GLCE: variants seen among roughly 807,000 people sequenced by gnomAD.
GLCE encodes the protein glucuronic acid epimerase.
A neutral mutation model predicts 47.9 loss-of-function variants in GLCE; 19 were observed. The ratio of observed to expected loss-of-function variants is 0.40; its 90% CI spans 0.28 to 0.58. The LOEUF (loss-of-function observed/expected upper bound fraction) is 0.58, where lower values mean the gene tolerates loss of function less well. GLCE is among the 20% of genes least tolerant of loss of function. GLCE has a pLI of 0.48. For synonymous variants in GLCE, 245 were observed against 263.4 expected (o/e 0.93, Z 0.68); for missense variants, 556 against 743.3 (o/e 0.75, Z 2.93).
At position 69,271,339 on chromosome 15, in the gene GLCE, A is replaced by C. The variant is rs919775219; in HGVS notation, c.*2095A>C. 2.6e-5 allele frequency: 4 copies of C among 152,670 alleles called. No homozygotes were observed. The highest frequency in any genetic ancestry group is 2.0e-4 in the Admixed American group (3 of 15,280). The allele number at this position is 152,670 out of a possible 1,614,324, so 9.5% of individuals were successfully genotyped here. On this transcript the variant is annotated 3_prime_UTR_variant, in exon 5 of 5. Coordinates refer to ENST00000261858, the MANE Select transcript of GLCE (RefSeq NM_015554.3). ...TACAGACCAGTGGTTCTCAAACTTT[A>C]AAATGCCTCAGCATCACTTGGGAGC...
At chr15:69,185,670 A>G (rs561210088) in intron 1 of GLCE, among the ~76,000 whole-genome samples, 3 of 151,980 alleles carry the variant, frequency 2.0e-5, no homozygotes, top group Non-Finnish European at 2.9e-5. Flanking sequence ...CACCACAAAA[A>G]TCATCATCAA....
In GLCE at chr15:69,179,832, C is replaced by T. The variant is rs145484886; in HGVS notation, c.-105+19075C>T. Among the ~76,000 whole-genome samples, 951 of 152,108 alleles carry T rather than the reference C, an allele frequency of 6.3e-3. 12 individuals carry two copies. Among genetic ancestry groups the T allele is most frequent in the African/African-American group, 0.022 (920 of 41,510 alleles). Reference sequence around the variant, plus strand: ...CGAAACCCTGTCTCTACTAAAAATACAAAAATTAGCTGGGCGTGGTGGTGC... The same window carrying T: ...CGAAACCCTGTCTCTACTAAAAATATAAAAATTAGCTGGGCGTGGTGGTGC... On this transcript the variant is annotated intron_variant, in intron 1 of 4. Coordinates refer to ENST00000261858, the MANE Select transcript of GLCE (RefSeq NM_015554.3).
chr15:69,200,153 G>GAAA, intron 1 of GLCE, among the ~76,000 whole-genome samples: 1 of 152,204 alleles, frequency 6.6e-6, no homozygotes, highest in South Asian at 2.1e-4. Context: ...CAGGCAAGGA[G>GAAA]AAAGTTTCGT....
At position 69,270,246 on chromosome 15, in the gene GLCE, AG is replaced by A. The variant is rs2140462751; in HGVS notation, c.*1003del. The A allele has an allele frequency of 1.3e-5, 2 of 152,166 alleles. No homozygotes were observed. Among genetic ancestry groups the A allele is most frequent in the South Asian group, 4.2e-4 (2 of 4,818 alleles). The allele number at this position is 152,166 out of a possible 1,614,324, so 9.4% of individuals were successfully genotyped here. ...TACTATATGCAAGAAATCATAGCAA[AG>A]TTTTTTTTTCCTACCAAGATCATTC... On this transcript the variant is annotated 3_prime_UTR_variant, in exon 5 of 5. Transcript: ENST00000261858.
At chr15:69,244,573 C>T (rs904667545) in intron 2 of GLCE, among the ~76,000 whole-genome samples, 7 of 152,060 alleles carry the variant, frequency 4.6e-5, no homozygotes, top group Non-Finnish European at 8.8e-5. Context: ...TATATCTGTT[C>T]TAAGATACCC....
chr15:69,246,018 C>T (rs138575156), intron 2 of GLCE, among the ~76,000 whole-genome samples: 385 of 152,314 alleles, frequency 2.5e-3, no homozygotes, highest in Non-Finnish European at 4.7e-3. Flanking sequence ...CGTGAGCCAC[C>T]GCGCCCGGCC....
At chr15:69,187,820 T>C (rs1352518070) in intron 1 of GLCE, among the ~76,000 whole-genome samples, 1 of 152,190 alleles carries the variant, frequency 6.6e-6, no homozygotes, top group Non-Finnish European at 1.5e-5. Context: ...CTCAGCACTT[T>C]GGGAGGCCCA....
intron 2 of GLCE, among the ~76,000 whole-genome samples, chr15:69,240,451 CA>C (rs2052654140): frequency 6.6e-6 from 1 of 152,044 alleles, no homozygotes; most frequent in Non-Finnish European, 1.5e-5. Flanking sequence ...TTGTAGAAAA[CA>C]TTTTTTTATG....
intron 1 of GLCE, among the ~76,000 whole-genome samples, chr15:69,203,701 A>G (rs1253915657): frequency 1.3e-5 from 2 of 152,154 alleles, no homozygotes; most frequent in African/African-American, 4.8e-5. Context: ...TGGATGTAAT[A>G]TTATGACAAG....
chr15:69,162,592 C>T (rs1051644126), intron 1 of GLCE, among the ~76,000 whole-genome samples: 1 of 151,564 alleles, frequency 6.6e-6, no homozygotes, highest in Non-Finnish European at 1.5e-5. Context: ...GGACTTATTC[C>T]GCCTTCCAGG....
At chr15:69,177,106 G>T (rs2051679059) in intron 1 of GLCE, among the ~76,000 whole-genome samples, 1 of 149,096 alleles carries the variant, frequency 6.7e-6, no homozygotes, top group Non-Finnish European at 1.5e-5. Flanking sequence ...TGCAACCTTT[G>T]CCTCCTGGGT....
chr15:69,214,662 A>G (rs2052280253), intron 2 of GLCE, among the ~76,000 whole-genome samples: 1 of 152,160 alleles, frequency 6.6e-6, no homozygotes. Flanking sequence ...CTTTCTGTAT[A>G]CACGCTTAAA....
rs1298039802 is a variant in GLCE at position 69,269,315 on chromosome 15, T to C, written c.*71T>C. The C allele has an allele frequency of 1.3e-5, 16 of 1,225,366 alleles. No individual in the cohort carries two copies. Among genetic ancestry groups the C allele is most frequent in the Non-Finnish European group, 1.7e-5 (15 of 858,456 alleles). 75.9% of individuals were successfully genotyped at this position (1,225,366 alleles called of 1,614,324 possible). ...CTACAGGCTCTGTCTCAGGAGAGCA[T>C]AGGCACATTTTAAAAGGTTATGTAC... is the stretch of plus-strand genomic sequence containing the variant. On this transcript the variant is annotated 3_prime_UTR_variant, in exon 5 of 5. Transcript: ENST00000261858.
intron 1 of GLCE, among the ~76,000 whole-genome samples, chr15:69,198,982 A>C (rs1167280258): frequency 6.6e-6 from 1 of 152,168 alleles, no homozygotes; most frequent in African/African-American, 2.4e-5. Flanking sequence ...CCGGTCCCCA[A>C]ACTCTAGAAC....
rs574546037 is a variant in GLCE at position 69,232,742 on chromosome 15, T to A, written c.-14+22336T>A. ...ATTATATTCACATAATTTGTTTATATGTATACTAGAAACAATTAGACAATT... is the reference window on the plus strand; with the variant it reads ...ATTATATTCACATAATTTGTTTATAAGTATACTAGAAACAATTAGACAATT... On this transcript the variant is annotated intron_variant, in intron 2 of 4. Coordinates refer to ENST00000261858, the MANE Select transcript of GLCE (RefSeq NM_015554.3). Among the ~76,000 whole-genome samples the A allele has an allele frequency of 2.0e-5, 3 of 152,346 alleles. No individual in the cohort carries two copies. The East Asian group carries it at 5.8e-4, about 29-fold the overall frequency.
At chr15:69,193,803 G>A (rs1013357754) in intron 1 of GLCE, among the ~76,000 whole-genome samples, 1 of 151,988 alleles carries the variant, frequency 6.6e-6, no homozygotes, top group Non-Finnish European at 1.5e-5. Context: ...GCTTTGCACT[G>A]GATATTCCAG....
intron 4 of GLCE, 82 bp downstream of exon 4, chr15:69,261,411 T>TA (rs1258120112): frequency 1.0e-5 from 14 of 1,338,408 alleles, no homozygotes; most frequent in African/African-American, 2.9e-5. Context: ...TAATATGGTT[T>TA]AAAAAAACAC....
chr15:69,261,409 T>C, intron 4 of GLCE, 80 bp downstream of exon 4: 1 of 1,388,290 alleles, frequency 7.2e-7, no homozygotes, highest in Non-Finnish European at 9.9e-7. Flanking sequence ...TTTAATATGG[T>C]TTAAAAAAAC....
intron 1 of GLCE, among the ~76,000 whole-genome samples, chr15:69,162,728 A>G (rs2051443748): frequency 6.6e-6 from 1 of 151,952 alleles, no homozygotes; most frequent in Admixed American, 6.6e-5. Flanking sequence ...ATGTGCCACC[A>G]CGCCTCACTA....
Sources: allele counts gnomAD v4.1 joint callset (sites outside exome capture counted in the v4.1 genomes callset), GRCh38; gene constraint gnomAD v4.1.1; transcripts MANE v1.5; gene names NCBI Gene and HGNC (gene_info 2026-07-23, HGNC 2026-07-21).